DPP6: variants seen among roughly 807,000 people sequenced by gnomAD.
The protein encoded by DPP6 is dipeptidyl peptidase like 6.
DPP6 carries 69 observed loss-of-function variants against 122.6 expected under a neutral mutation model. The observed-to-expected ratio is 0.56, with a 90% CI of 0.46 to 0.69. The LOEUF is 0.69. Ranked by LOEUF, DPP6 falls within the 30% of genes least tolerant of loss-of-function variation. The probability of loss-of-function intolerance (pLI) is 0.00; values close to 1 mark genes in which losing one functional copy is unlikely to be tolerated. For synonymous variants in DPP6, 418 were observed against 433.1 expected, an observed-to-expected ratio of 0.97 and a Z score of 0.43; for missense variants, 928 against 1,116.9, an observed-to-expected ratio of 0.83 and a Z score of 2.41.
In DPP6 at chr7:154,637,818, C is replaced by T. The variant is rs1240930532; in HGVS notation, c.628-3C>T. 5.1e-6 allele frequency: 8 copies of T among 1,575,778 alleles called. No individual in the cohort carries two copies. The highest frequency in any genetic ancestry group is 6.9e-6 in the Non-Finnish European group (8 of 1,159,398). On this transcript the variant is annotated splice_region_variant and splice_polypyrimidine_tract_variant and intron_variant, in intron 5 of 25. Transcript: ENST00000377770. ...TACCTTTTTTCCTTTTTGTCTGTTG[C>T]AGATATATCAACACTCGTATACTGG...
chr7:154,793,924 A>G (rs1482170711), intron 10 of DPP6, 155 bp from the exon 11 acceptor site: 1 of 1,260,538 alleles, frequency 7.9e-7, no homozygotes, highest in Non-Finnish European at 1.1e-6. Context: ...CAGATTCTTT[A>G]TAAGCCAGAT....
intron 7 of DPP6, among the ~76,000 whole-genome samples, chr7:154,710,208 A>G (rs1841094204): frequency 6.6e-6 from 1 of 152,224 alleles, no homozygotes. Flanking sequence ...AGCCAGGGGC[A>G]TGGCTTCAGG....
chr7:154,079,706 C>T (rs1231055748), intron 1 of DPP6, among the ~76,000 whole-genome samples: 3 of 151,978 alleles, frequency 2.0e-5, no homozygotes, highest in Admixed American at 6.6e-5. Context: ...GACAGGTGAC[C>T]GTGGAAGACT....
chr7:154,856,840 A>C (rs891334556), intron 17 of DPP6, among the ~76,000 whole-genome samples: 1 of 152,210 alleles, frequency 6.6e-6, no homozygotes, highest in Non-Finnish European at 1.5e-5. Flanking sequence ...CGGCTTAAGA[A>C]ATAAAAAGCA....
intron 5 of DPP6, among the ~76,000 whole-genome samples, chr7:154,599,993 T>A (rs1385779121): frequency 6.6e-6 from 1 of 152,134 alleles, no homozygotes; most frequent in African/African-American, 2.4e-5. Context: ...ATAAGGTCTA[T>A]CCTTTTCTTC....
intron 1 of DPP6, among the ~76,000 whole-genome samples, chr7:154,384,165 G>C (rs1361538556): frequency 6.6e-6 from 1 of 152,142 alleles, no homozygotes; most frequent in Non-Finnish European, 1.5e-5. Flanking sequence ...GTGCACACTG[G>C]TGGGACCCAA....
chr7:154,211,898 C>T (rs1039029956), intron 1 of DPP6, among the ~76,000 whole-genome samples: 2 of 152,196 alleles, frequency 1.3e-5, no homozygotes, highest in African/African-American at 4.8e-5. Context: ...ATCTAAACCT[C>T]CCCATTATGA....
At position 154,543,885 on chromosome 7, in the gene DPP6, T is replaced by C. The variant is rs141578987; in HGVS notation, c.552+3259T>C. Among the ~76,000 whole-genome samples the C allele has an allele frequency of 6.0e-5, 9 of 150,980 alleles. No homozygotes were observed. The East Asian group carries it at 1.6e-3, about 26-fold the overall frequency. On this transcript the variant is annotated intron_variant, in intron 4 of 25. Coordinates refer to ENST00000377770, the MANE Select transcript of DPP6 (RefSeq NM_130797.4). ...GGAGCATGCCTGTAATCCCACCTAC[T>C]TGGGAAGCCGAGGCAAGAGAAACGC...
chr7:153,854,238 G>T, the DPP6 span, among the ~76,000 whole-genome samples: 2 of 151,692 alleles, frequency 1.3e-5, no homozygotes, highest in Admixed American at 6.6e-5. Flanking sequence ...ATGCTGTTTT[G>T]GTTACTGTAG....
chr7:154,308,665 T>A (rs543326430), intron 1 of DPP6, among the ~76,000 whole-genome samples: 1 of 152,332 alleles, frequency 6.6e-6, no homozygotes, highest in South Asian at 2.1e-4. Flanking sequence ...CAAGTCTGGC[T>A]TAAATTTACT....
chr7:154,309,152 A>G (rs992910566), intron 1 of DPP6, among the ~76,000 whole-genome samples: 3 of 152,206 alleles, frequency 2.0e-5, no homozygotes, highest in Non-Finnish European at 4.4e-5. Flanking sequence ...TTTCACATGG[A>G]AATAGCCTAC....
At chr7:154,592,423 T>C (rs1233889349) in intron 5 of DPP6, among the ~76,000 whole-genome samples, 1 of 152,198 alleles carries the variant, frequency 6.6e-6, no homozygotes, top group African/African-American at 2.4e-5. Flanking sequence ...GCCCTGAACA[T>C]GCACCAGGCG....
chr7:154,843,427 T>C (rs889921461), intron 16 of DPP6, among the ~76,000 whole-genome samples: 4 of 152,246 alleles, frequency 2.6e-5, no homozygotes, highest in African/African-American at 9.6e-5. Context: ...CCTCTTTTCT[T>C]TCTTCTTTCC....
At chr7:154,507,441 C>G (rs982716809) in intron 3 of DPP6, among the ~76,000 whole-genome samples, 6 of 152,122 alleles carry the variant, frequency 3.9e-5, no homozygotes, top group Non-Finnish European at 8.8e-5. Flanking sequence ...TCCCCTTGCT[C>G]CCCGCCCTGA....
At chr7:154,051,327 C>G (rs1430034097), upstream of DPP6, among the ~76,000 whole-genome samples, 1 of 131,758 alleles carries the variant, frequency 7.6e-6, no homozygotes, top group Non-Finnish European at 1.6e-5. Context: ...CCTTCCCGGC[C>G]GGGAAGGGCT....
chr7:153,874,072 T>C, the DPP6 span, among the ~76,000 whole-genome samples: 27 of 152,170 alleles, frequency 1.8e-4, no homozygotes, highest in Non-Finnish European at 2.8e-4. Context: ...TTTGCCTTCT[T>C]CCTAACTACC....
intron 10 of DPP6, among the ~76,000 whole-genome samples, chr7:154,793,101 T>G (rs1797791795): frequency 6.6e-6 from 1 of 152,170 alleles, no homozygotes; most frequent in South Asian, 2.1e-4. Flanking sequence ...TGTAGTGAGG[T>G]CGCTCTCTGG....
At chr7:154,060,554 C>G (rs1292861203) in intron 1 of DPP6, among the ~76,000 whole-genome samples, 10 of 133,338 alleles carry the variant, frequency 7.5e-5, no homozygotes, top group Non-Finnish European at 1.4e-4. Context: ...AAGTTCAAAT[C>G]TTCCGACGGC....
At chr7:154,023,065 G>C (rs944245648) in intron 1 of DPP6, among the ~76,000 whole-genome samples, 3 of 151,878 alleles carry the variant, frequency 2.0e-5, no homozygotes, top group African/African-American at 7.3e-5. Flanking sequence ...ATGACCTCTG[G>C]ATCCATCATG....
Sources: allele counts gnomAD v4.1 joint callset (sites outside exome capture counted in the v4.1 genomes callset), GRCh38; gene constraint gnomAD v4.1.1; transcripts MANE v1.5; gene names NCBI Gene and HGNC (gene_info 2026-07-23, HGNC 2026-07-21).